Variants in CAMTA1 observed in about 807,000 individuals in gnomAD.
CAMTA1 encodes calmodulin binding transcription activator 1, also known as calmodulin-binding transcription activator 1.
Under a neutral mutation model 170.9 loss-of-function variants are expected in CAMTA1, and 27 were observed. That is an observed-to-expected ratio of 0.16 (90% CI 0.12 to 0.22). The LOEUF is 0.22. Ranked by LOEUF, CAMTA1 falls within the 10% of genes least tolerant of loss-of-function variation. The pLI is 1.00. For synonymous variants in CAMTA1, 833 were observed against 891.5 expected, an observed-to-expected ratio of 0.93 and a Z score of 1.17; for missense variants, 1,619 against 2,217.2, an observed-to-expected ratio of 0.73 and a Z score of 5.42.
chr1:7,605,419 A>G (rs1199649074), intron 6 of CAMTA1, among the ~76,000 whole-genome samples: 1 of 152,158 alleles, frequency 6.6e-6, no homozygotes, highest in Non-Finnish European at 1.5e-5. Flanking sequence ...GCTGCCTTGC[A>G]GTTTGATCTC....
At chr1:7,661,955 C>G in intron 8 of CAMTA1, 89 bp downstream of exon 8, 1 of 1,429,484 alleles carries the variant, frequency 7.0e-7, no homozygotes, top group Non-Finnish European at 9.5e-7. Flanking sequence ...GTGGGAGTAG[C>G]CATGACATCT....
chr1:7,074,699 C>G (rs1310400813), intron 3 of CAMTA1, among the ~76,000 whole-genome samples: 1 of 152,190 alleles, frequency 6.6e-6, no homozygotes, highest in East Asian at 1.9e-4. Context: ...ATAGTTAACC[C>G]TTTTATAGCA....
At chr1:6,888,825 CT>C (rs574850841) in intron 3 of CAMTA1, among the ~76,000 whole-genome samples, 252 of 142,782 alleles carry the variant, frequency 1.8e-3, no homozygotes, top group Admixed American at 1.6e-3. Flanking sequence ...TTTTTTCTTT[CT>C]TTTTTTTTTT....
intron 22 of CAMTA1, among the ~76,000 whole-genome samples, chr1:7,756,352 G>A (rs934958857): frequency 2.6e-5 from 4 of 152,052 alleles, no homozygotes; most frequent in Admixed American, 6.5e-5. Context: ...GAAATGTCTC[G>A]AATATTTATA....
At chr1:7,648,507 G>T (rs780202970) in intron 7 of CAMTA1, among the ~76,000 whole-genome samples, 34 of 152,192 alleles carry the variant, frequency 2.2e-4, no homozygotes, top group Non-Finnish European at 4.6e-4. Flanking sequence ...GGGAGAGAGA[G>T]GGGGTGTTGT....
intron 5 of CAMTA1, among the ~76,000 whole-genome samples, chr1:7,376,375 A>G (rs868200100): frequency 6.6e-6 from 1 of 152,220 alleles, no homozygotes; most frequent in African/African-American, 2.4e-5. Flanking sequence ...AAAGGAAGCT[A>G]GTTAGCTCCA....
intron 5 of CAMTA1, among the ~76,000 whole-genome samples, chr1:7,432,260 C>T (rs2092194837): frequency 6.6e-6 from 1 of 152,158 alleles, no homozygotes; most frequent in Non-Finnish European, 1.5e-5. Flanking sequence ...ATCCCTATTC[C>T]ACAGACCCAG....
chr1:6,842,443 A>G lies in CAMTA1; in HGVS notation c.234+17233A>G, dbSNP rs561509671. On this transcript the variant is annotated intron_variant, in intron 3 of 22. Transcript: ENST00000303635. ...ACCAGGACAGATTTGTAAACATATC[A>G]CGACCTGGGCCCTACCACAAACTAA... 4.7e-4 allele frequency among the ~76,000 whole-genome samples: 71 copies of G among 152,352 alleles called. No individual in the cohort carries two copies. In the South Asian group the frequency reaches 0.015, roughly 32 times the overall value.
intron 3 of CAMTA1, among the ~76,000 whole-genome samples, chr1:6,962,109 C>G (rs1690530788): frequency 6.6e-6 from 1 of 152,208 alleles, no homozygotes; most frequent in South Asian, 2.1e-4. Context: ...TTGGGCCTCA[C>G]GCCTCTGTCT....
At chr1:6,903,717 A>G (rs1466388359) in intron 3 of CAMTA1, among the ~76,000 whole-genome samples, 1 of 152,320 alleles carries the variant, frequency 6.6e-6, no homozygotes, top group East Asian at 1.9e-4. Context: ...AGTGTTACGA[A>G]GAAGTTGAAG....
At chr1:7,638,548 G>A (rs1405343503) in intron 6 of CAMTA1, among the ~76,000 whole-genome samples, 2 of 151,962 alleles carry the variant, frequency 1.3e-5, no homozygotes, top group African/African-American at 4.8e-5. Context: ...AGGCTGAGGC[G>A]GGAGAATTGC....
At chr1:7,704,963 C>T (rs2096493232) in intron 11 of CAMTA1, among the ~76,000 whole-genome samples, 1 of 63,684 alleles carries the variant, frequency 1.6e-5, no homozygotes, top group Admixed American at 2.2e-4. Context: ...GGCGGGGGCG[C>T]GCGCGGGGCG....
intron 6 of CAMTA1, among the ~76,000 whole-genome samples, chr1:7,628,526 C>A (rs1330187585): frequency 6.6e-6 from 1 of 152,264 alleles, no homozygotes; most frequent in Non-Finnish European, 1.5e-5. Context: ...GATCATGTAG[C>A]ACCTCTCAGT....
intron 5 of CAMTA1, among the ~76,000 whole-genome samples, chr1:7,307,443 T>G (rs780743955): frequency 3.9e-5 from 6 of 151,940 alleles, no homozygotes; most frequent in Non-Finnish European, 7.4e-5. Context: ...TTATTTCTTT[T>G]TCTTGCCTTA....
chr1:7,739,589 A>G (rs2096796059), intron 16 of CAMTA1, among the ~76,000 whole-genome samples: 1 of 152,222 alleles, frequency 6.6e-6, no homozygotes, highest in Non-Finnish European at 1.5e-5. Flanking sequence ...AGGCCTCACA[A>G]TCATAGCAGA....
intron 6 of CAMTA1, among the ~76,000 whole-genome samples, chr1:7,590,949 T>C (rs1202010534): frequency 6.6e-6 from 1 of 152,254 alleles, no homozygotes; most frequent in East Asian, 1.9e-4. Context: ...TCATATATAC[T>C]GTACCTACAG....
chr1:7,180,256 A>G (rs138963033), intron 4 of CAMTA1, among the ~76,000 whole-genome samples: 2,972 of 151,974 alleles, frequency 0.02, 99 homozygotes, highest in African/African-American at 0.067. Flanking sequence ...AATCCCAGCT[A>G]CTTGGGAGGC....
intron 4 of CAMTA1, among the ~76,000 whole-genome samples, chr1:7,217,383 A>G (rs555753487): frequency 1.2e-3 from 178 of 152,340 alleles, no homozygotes; most frequent in African/African-American, 4.1e-3. Context: ...GCAGTTCTTT[A>G]TAGCAGTGTG....
At chr1:7,476,993 G>A (rs751080283) in intron 6 of CAMTA1, among the ~76,000 whole-genome samples, 37 of 152,260 alleles carry the variant, frequency 2.4e-4, no homozygotes, top group Admixed American at 2.4e-3. Flanking sequence ...ACACTGGCTC[G>A]CTTCACAGAC....
Sources: allele counts gnomAD v4.1 joint callset (sites outside exome capture counted in the v4.1 genomes callset), GRCh38; gene constraint gnomAD v4.1.1; transcripts MANE v1.5; gene names NCBI Gene and HGNC (gene_info 2026-07-23, HGNC 2026-07-21).